Variants in GRIN2B observed in about 807,000 individuals in gnomAD.
The protein encoded by GRIN2B is glutamate ionotropic receptor NMDA type subunit 2B, also known as glutamate receptor ionotropic, NMDA 2B.
GRIN2B carries 5 observed loss-of-function variants against 114.5 expected under a neutral mutation model. That is an observed-to-expected ratio of 0.04 (90% CI 0.02 to 0.09). The LOEUF (loss-of-function observed/expected upper bound fraction) is 0.09. Among genes scored for constraint, GRIN2B ranks in the 10% least tolerant of loss-of-function variants. The pLI, the probability that GRIN2B is intolerant of heterozygous loss-of-function variation, is 1.00. For synonymous variants in GRIN2B, 787 were observed against 745.1 expected, an observed-to-expected ratio of 1.06 and a Z score of -0.92; for missense variants, 1,108 against 1,943.5, an observed-to-expected ratio of 0.57 and a Z score of 8.08.
At position 13,769,567 on chromosome 12, in the gene GRIN2B, T is replaced by C. The variant is rs552887888; in HGVS notation, c.412-15652A>G. ...TATGCAGCTCATGGCTAACAGAGAA[T>C]TGGGCATAGCAAGCAGGGACAATTT... is the stretch of plus-strand genomic sequence containing the variant. On this transcript the variant is annotated intron_variant, in intron 3 of 13. Transcript: ENST00000609686. Among the ~76,000 whole-genome samples the C allele has an allele frequency of 1.6e-4, 24 of 152,278 alleles. No individual in the cohort carries two copies. In the South Asian group the frequency reaches 4.6e-3, roughly 29 times the overall value.
chr12:13,842,485 T>C lies in GRIN2B; in HGVS notation c.411+23313A>G, dbSNP rs1003905738. 3.3e-5 allele frequency among the ~76,000 whole-genome samples: 5 copies of C among 152,330 alleles called. No individual in the cohort carries two copies. The South Asian group carries it at 6.2e-4, about 19-fold the overall frequency. Reference sequence around the variant, plus strand: ...TTCCTCATCTAATTTCTGTGCCATTTTCTCCTTTTGTGATGCATTCTGCAT... The same window carrying C: ...TTCCTCATCTAATTTCTGTGCCATTCTCTCCTTTTGTGATGCATTCTGCAT... On this transcript the variant is annotated intron_variant, in intron 3 of 13. Transcript: ENST00000609686.
At chr12:13,843,687 T>G (rs1865424831) in intron 3 of GRIN2B, among the ~76,000 whole-genome samples, 1 of 152,196 alleles carries the variant, frequency 6.6e-6, no homozygotes. Context: ...GTACAATTAT[T>G]ATGTCTGTTT....
chr12:13,901,773 A>G (rs907393527), intron 2 of GRIN2B, among the ~76,000 whole-genome samples: 2 of 152,074 alleles, frequency 1.3e-5, no homozygotes, highest in African/African-American at 4.8e-5. Context: ...TTATTTTTAG[A>G]AGTATTTTGC....
chr12:13,806,124 C>T (rs943163997), intron 3 of GRIN2B, among the ~76,000 whole-genome samples: 1 of 152,078 alleles, frequency 6.6e-6, no homozygotes, highest in Non-Finnish European at 1.5e-5. Context: ...TTTATGTGTT[C>T]ATCAACTGAT....
rs202027953 is a variant in GRIN2B, at chr12:13,562,370, G to C, written c.*413C>G. 20 of 204,528 alleles carry C rather than the reference G, an allele frequency of 9.8e-5. No homozygotes were observed. Among genetic ancestry groups the C allele is most frequent in the Non-Finnish European group, 1.7e-4 (17 of 100,604 alleles). The allele number at this position is 204,528 out of a possible 1,614,324, so 12.7% of individuals were successfully genotyped here. A position where few individuals can be genotyped will look rare whatever the true frequency, so the allele number is the denominator to read the frequency against. On this transcript the variant is annotated 3_prime_UTR_variant, in exon 14 of 14. Transcript: ENST00000609686. ...TTTTGCTTCCTCACCTAAATGAAAA[G>C]ATCAGTTTGGGAAAAGCTACCTTTG...
chr12:13,825,667 C>G (rs1047068789), intron 3 of GRIN2B, among the ~76,000 whole-genome samples: 2 of 151,694 alleles, frequency 1.3e-5, no homozygotes, highest in Admixed American at 1.3e-4. Flanking sequence ...CAGGCATACA[C>G]TACCACGCCC....
chr12:13,908,944 T>A (rs1462744643), intron 2 of GRIN2B, among the ~76,000 whole-genome samples: 1 of 152,206 alleles, frequency 6.6e-6, no homozygotes, highest in Admixed American at 6.5e-5. Flanking sequence ...TCATGGAATC[T>A]AGAAATGTTT....
intron 3 of GRIN2B, among the ~76,000 whole-genome samples, chr12:13,846,390 T>G (rs1865473307): frequency 1.3e-5 from 2 of 152,234 alleles, no homozygotes; most frequent in African/African-American, 4.8e-5. Flanking sequence ...CAAATATTGG[T>G]GACATATACC....
chr12:13,941,506 C>G (rs1241146811), intron 2 of GRIN2B, among the ~76,000 whole-genome samples: 1 of 152,130 alleles, frequency 6.6e-6, no homozygotes, highest in Non-Finnish European at 1.5e-5. Context: ...CCTTTTGTTT[C>G]TGAGTCTGAG....
chr12:13,540,315 GAGAA>G lies in GRIN2B; in HGVS notation c.*22464_*22467del, dbSNP rs1289832360. 2 of 152,084 alleles carry G rather than the reference GAGAA, an allele frequency of 1.3e-5. No individual in the cohort carries two copies. The highest frequency in any genetic ancestry group is 2.9e-5 in the Non-Finnish European group (2 of 68,004). 9.4% of individuals were successfully genotyped at this position (152,084 alleles called of 1,614,324 possible). A position where few individuals can be genotyped will look rare whatever the true frequency, so the allele number is the denominator to read the frequency against. On this transcript the variant is annotated 3_prime_UTR_variant, in exon 14 of 14. Transcript: ENST00000609686. Reference sequence around the variant, plus strand: ...ACAGAAATAATTTGCCATTAGAAAAGAGAAAGAATCTTTGACTATTTACAGCTTT... The same window carrying G: ...ACAGAAATAATTTGCCATTAGAAAAGAGAATCTTTGACTATTTACAGCTTT...
chr12:13,935,005 C>T (rs1176800679), intron 2 of GRIN2B, among the ~76,000 whole-genome samples: 1 of 152,156 alleles, frequency 6.6e-6, no homozygotes, highest in Non-Finnish European at 1.5e-5. Flanking sequence ...GGATAAGATG[C>T]TTGTTTCCAT....
chr12:13,974,924 C>G (rs1862992092), intron 2 of GRIN2B, among the ~76,000 whole-genome samples: 1 of 151,512 alleles, frequency 6.6e-6, no homozygotes, highest in African/African-American at 2.4e-5. Flanking sequence ...AACTAAAAAG[C>G]AGGAGGACAT....
intron 3 of GRIN2B, among the ~76,000 whole-genome samples, chr12:13,784,837 T>C (rs1421921228): frequency 1.3e-5 from 2 of 152,180 alleles, no homozygotes; most frequent in Non-Finnish European, 2.9e-5. Context: ...CCAAGCAGGA[T>C]GAGCAAAGAA....
At chr12:13,965,700 A>G (rs548044925) in intron 2 of GRIN2B, among the ~76,000 whole-genome samples, 1 of 152,342 alleles carries the variant, frequency 6.6e-6, no homozygotes, top group Non-Finnish European at 1.5e-5. Flanking sequence ...TCATATAACT[A>G]AAGTTTTTCA....
chr12:13,922,742 A>C (rs1866844779), intron 2 of GRIN2B, among the ~76,000 whole-genome samples: 1 of 152,160 alleles, frequency 6.6e-6, no homozygotes, highest in Non-Finnish European at 1.5e-5. Context: ...TGGGCACCTG[A>C]TCTCCTACTG....
At chr12:13,982,025 C>G (rs1176165399), upstream of GRIN2B, 1 of 151,852 alleles carries the variant, frequency 6.6e-6, no homozygotes, top group Non-Finnish European at 1.5e-5. Flanking sequence ...TCCACACCCC[C>G]CACCCCACCC....
In GRIN2B at chr12:13,563,601, T is replaced by G. The variant is rs1275768380; in HGVS notation, c.3637A>C (p.Asn1213His). ...NVEWEDRSGG[N>H]FCRSCPSKLH... ...TTGGAGGGACAGCTGCGGCAGAAGT[T>G]GCCCCCGGACCGGTCCTCCCACTCC... is the stretch of plus-strand genomic sequence containing the variant. The change falls in exon 14 of 14, where the codon AAC becomes CAC. Residue 1213 changes from asparagine to histidine, a missense_variant. Asn to His is a moderately conservative substitution (Grantham distance 68). Around this residue, in one of 19 missense-constraint regions of GRIN2B, gnomAD observed 478 missense variants for 506.0 expected, o/e 0.94. Coordinates refer to ENST00000609686, the MANE Select transcript of GRIN2B (RefSeq NM_000834.5). The G allele has an allele frequency of 2.5e-6, 4 of 1,613,962 alleles. No homozygotes were observed. Among genetic ancestry groups the G allele is most frequent in the Non-Finnish European group, 3.4e-6 (4 of 1,180,018 alleles).
intron 5 of GRIN2B, among the ~76,000 whole-genome samples, chr12:13,665,671 C>T (rs1346625570): frequency 1.3e-5 from 2 of 152,168 alleles, no homozygotes; most frequent in Non-Finnish European, 2.9e-5. Context: ...TATTTCTCAA[C>T]ATTTTAATAG....
intron 3 of GRIN2B, among the ~76,000 whole-genome samples, chr12:13,791,459 A>AT (rs1864319614): frequency 7.6e-6 from 1 of 131,918 alleles, no homozygotes; most frequent in South Asian, 2.4e-4. Context: ...CTCAAAAAAA[A>AT]AAATAAAAAA....
Sources: allele counts gnomAD v4.1 joint callset (sites outside exome capture counted in the v4.1 genomes callset), GRCh38; gene constraint gnomAD v4.1.1; regional missense constraint gnomAD v4.1.1; transcripts MANE v1.5; gene names NCBI Gene and HGNC (gene_info 2026-07-23, HGNC 2026-07-21).